Variants in PCDHGA4 observed in about 807,000 individuals in gnomAD.
PCDHGA4 encodes the protein protocadherin gamma subfamily A, 4, also known as protocadherin gamma-A4.
A neutral mutation model predicts 54.6 loss-of-function variants in PCDHGA4; 38 were observed. That is an observed-to-expected ratio of 0.70 (90% CI 0.54 to 0.91). The LOEUF (loss-of-function observed/expected upper bound fraction) is 0.91, where lower values mean the gene tolerates loss of function less well. Among genes scored for constraint, PCDHGA4 ranks in the 40% least tolerant of loss-of-function variants. The probability of loss-of-function intolerance (pLI) is 0.00; values close to 1 mark genes in which losing one functional copy is unlikely to be tolerated. For synonymous variants in PCDHGA4, 511 were observed against 512.9 expected, an observed-to-expected ratio of 1.00 and a Z score of 0.05; for missense variants, 1,298 against 1,220.9, an observed-to-expected ratio of 1.06 and a Z score of -0.94.
At chr5:141,435,516 C>T (rs2097767967) in intron 1 of PCDHGA4, among the ~76,000 whole-genome samples, 1 of 152,058 alleles carries the variant, frequency 6.6e-6, no homozygotes, top group Non-Finnish European at 1.5e-5. Context: ...CTAATGATGA[C>T]TTTGTGGAAT....
rs367578838 is a variant in PCDHGA4, at chr5:141,432,537, C to A, written c.2515-62270C>A. The A allele has an allele frequency of 5.0e-6, 8 of 1,613,882 alleles. No individual in the cohort carries two copies. Among genetic ancestry groups the A allele is most frequent in the African/African-American group, 1.3e-5 (1 of 74,922 alleles). Reference sequence around the variant, plus strand: ...GGCTACCTGGTGACCAAGGTGGTGGCGGTGGACAGAGACTCCGGCCAGAAC... The same window carrying A: ...GGCTACCTGGTGACCAAGGTGGTGGAGGTGGACAGAGACTCCGGCCAGAAC... On this transcript the variant is annotated intron_variant, in intron 1 of 3. Coordinates refer to ENST00000571252, the MANE Select transcript of PCDHGA4 (RefSeq NM_018917.4). This position sits in a 1 kb window ranked among gnomAD's most constrained non-coding sequence, Gnocchi z 6.0.
chr5:141,463,480 G>A (rs964539275), intron 1 of PCDHGA4, among the ~76,000 whole-genome samples: 3 of 114,320 alleles, frequency 2.6e-5, no homozygotes, highest in African/African-American at 1.1e-4. Context: ...ATGGAGTCTC[G>A]CTCTGTCACC....
At chr5:141,399,473 A>G (rs2093815825) in intron 1 of PCDHGA4, 2 of 1,613,996 alleles carry the variant, frequency 1.2e-6, no homozygotes, top group Non-Finnish European at 1.7e-6. Context: ...CCGGTTTTCC[A>G]CCAGGCGTCC....
intron 1 of PCDHGA4, chr5:141,374,063 G>A (rs1770069063): frequency 6.7e-7 from 1 of 1,495,954 alleles, no homozygotes; most frequent in South Asian, 1.4e-5. Context: ...TAATCCCAGA[G>A]AAGTTCCTAA....
Position 141,403,914 on chromosome 5 carries a change from C to A in PCDHGA4, c.2514+46293C>A, listed in dbSNP as rs748975395. The A allele has an allele frequency of 1.3e-5, 21 of 1,613,662 alleles. No homozygotes were observed. Among genetic ancestry groups the A allele is most frequent in the South Asian group, 2.2e-5 (2 of 91,064 alleles). On this transcript the variant is annotated intron_variant, in intron 1 of 3. Coordinates refer to ENST00000571252, the MANE Select transcript of PCDHGA4 (RefSeq NM_018917.4). ...TCATTTTATGAAATGGAAATACAAG[C>A]TGAAGATGGTGGGGGATTGAAAGGG...
In PCDHGA4 at chr5:141,489,645, C is replaced by T; in HGVS notation, c.2515-5162C>T. 1.2e-6 allele frequency: 2 copies of T among 1,614,156 alleles called. No homozygotes were observed. The highest frequency in any genetic ancestry group is 2.7e-5 in the African/African-American group (2 of 75,022). On this transcript the variant is annotated intron_variant, in intron 1 of 3. Transcript: ENST00000571252. This position sits in a 1 kb window ranked among gnomAD's most constrained non-coding sequence, Gnocchi z 4.5. ...ATGACAACTCTCCTAGCTTTGCCAC[C>T]CCTGAGCGAGAGATGCGCATCTCAG...
At chr5:141,372,842 A>G in intron 1 of PCDHGA4, 1 of 1,515,016 alleles carries the variant, frequency 6.6e-7, no homozygotes, top group Middle Eastern at 1.7e-4. Context: ...TTCCATAAAT[A>G]TAATTGGGTT....
chr5:141,366,134 G>A, intron 1 of PCDHGA4: 1 of 1,614,204 alleles, frequency 6.2e-7, no homozygotes, highest in Non-Finnish European at 8.5e-7. Flanking sequence ...AGGCCAGAAC[G>A]CCTGGCTGTC....
chr5:141,480,712 A>G (rs559266864), intron 1 of PCDHGA4, among the ~76,000 whole-genome samples: 13 of 152,306 alleles, frequency 8.5e-5, no homozygotes, highest in African/African-American at 2.9e-4. Context: ...CCGACAAATG[A>G]AAGCACAGTC....
At position 141,419,527 on chromosome 5, in the gene PCDHGA4, C is replaced by G. The variant is rs755936657; in HGVS notation, c.2514+61906C>G. ...TGCGCGTGTTGGTGGGCGACCGTAA[C>G]GACAACGCACCGCGGGTGCTGTACC... is the stretch of plus-strand genomic sequence containing the variant. On this transcript the variant is annotated intron_variant, in intron 1 of 3. Transcript: ENST00000571252. The G allele has an allele frequency of 6.8e-5, 110 of 1,612,064 alleles. 2 individuals carry two copies. In the South Asian group the frequency reaches 9.6e-4, roughly 14 times the overall value.
chr5:141,437,247 C>T (rs2097870457), intron 1 of PCDHGA4, among the ~76,000 whole-genome samples: 2 of 152,090 alleles, frequency 1.3e-5, no homozygotes, highest in Non-Finnish European at 2.9e-5. Context: ...AAGGACTTTC[C>T]TTGTCTTTTT....
chr5:141,410,317 C>T lies in PCDHGA4; in HGVS notation c.2514+52696C>T, dbSNP rs527641698. ...CCTTAATCTCAGTGCTCTTCCTCCT[C>T]GCCGTGATTCTGGCCATTGCCTTGC... On this transcript the variant is annotated intron_variant, in intron 1 of 3. Coordinates refer to ENST00000571252, the MANE Select transcript of PCDHGA4 (RefSeq NM_018917.4). The T allele has an allele frequency of 2.7e-5, 43 of 1,614,010 alleles. No individual in the cohort carries two copies. In the East Asian group the frequency reaches 8.0e-4, roughly 30 times the overall value.
rs1225025591 is a variant in PCDHGA4 at position 141,493,316 on chromosome 5, T to G, written c.2515-1491T>G. Among the ~76,000 whole-genome samples, 2 of 152,198 alleles carry G rather than the reference T, an allele frequency of 1.3e-5. No homozygotes were observed. The highest frequency in any genetic ancestry group is 2.1e-4 in the South Asian group (1 of 4,826). Reference sequence around the variant, plus strand: ...AGTTCACAGAGCAAGTAAGAGAGATTCTAACCCCTGTCTAACTCCAGAATG... The same window carrying G: ...AGTTCACAGAGCAAGTAAGAGAGATGCTAACCCCTGTCTAACTCCAGAATG... On this transcript the variant is annotated intron_variant, in intron 1 of 3. Coordinates refer to ENST00000571252, the MANE Select transcript of PCDHGA4 (RefSeq NM_018917.4). This position sits in a 1 kb window ranked among gnomAD's most constrained non-coding sequence, Gnocchi z 4.3.
At chr5:141,484,300 C>G (rs927710366) in intron 1 of PCDHGA4, among the ~76,000 whole-genome samples, 1 of 152,190 alleles carries the variant, frequency 6.6e-6, no homozygotes, top group Non-Finnish European at 1.5e-5. Context: ...CTCCTGGCTT[C>G]CTCCACCCCG....
At chr5:141,505,239 G>A (rs2099844708) in intron 2 of PCDHGA4, 154 bp from the exon 3 acceptor site, 1 of 886,092 alleles carries the variant, frequency 1.1e-6, no homozygotes, top group Middle Eastern at 5.9e-4. Context: ...GCTTCTGAAG[G>A]ATTGTAGAAG....
rs760316359 is a variant in PCDHGA4 at position 141,360,511 on chromosome 5, A to G, written c.2514+2890A>G. On this transcript the variant is annotated intron_variant, in intron 1 of 3. Coordinates refer to ENST00000571252, the MANE Select transcript of PCDHGA4 (RefSeq NM_018917.4). Reference sequence around the variant, plus strand: ...CTACATAGCAGTAATTGTGCAGGATATAAATGATAATACCCCGCTATTCAA... The same window carrying G: ...CTACATAGCAGTAATTGTGCAGGATGTAAATGATAATACCCCGCTATTCAA... 5.6e-6 allele frequency: 9 copies of G among 1,613,906 alleles called. No individual in the cohort carries two copies. In the East Asian group the frequency reaches 1.1e-4, roughly 20 times the overall value.
At chr5:141,383,417 G>A in intron 1 of PCDHGA4, 1 of 1,614,014 alleles carries the variant, frequency 6.2e-7, no homozygotes, top group African/African-American at 1.3e-5. Flanking sequence ...TACCAGCTCA[G>A]CCCCAATCGC....
chr5:141,387,840 C>A, intron 1 of PCDHGA4: 1 of 1,597,864 alleles, frequency 6.3e-7, no homozygotes, highest in African/African-American at 1.3e-5. Context: ...TTATTTGTAA[C>A]CCGGCGTCTC....
Position 141,414,286 on chromosome 5 carries a change from G to A in PCDHGA4, c.2514+56665G>A, listed in dbSNP as rs2095728607. ...AGATTCACCTCTGGGAACAGTCGTA[G>A]CCCTTTTAAATGTGCATGATTTAGA... On this transcript the variant is annotated intron_variant, in intron 1 of 3. Coordinates refer to ENST00000571252, the MANE Select transcript of PCDHGA4 (RefSeq NM_018917.4). 1.9e-6 allele frequency: 3 copies of A among 1,613,586 alleles called. No individual in the cohort carries two copies. The highest frequency in any genetic ancestry group is 2.5e-6 in the Non-Finnish European group (3 of 1,179,770).
Sources: allele counts gnomAD v4.1 joint callset (sites outside exome capture counted in the v4.1 genomes callset), GRCh38; gene constraint gnomAD v4.1.1; non-coding constraint Gnocchi (gnomAD v3.1); transcripts MANE v1.5; gene names NCBI Gene and HGNC (gene_info 2026-07-23, HGNC 2026-07-21).